LMNB1: variants seen among roughly 807,000 people sequenced by gnomAD.
LMNB1 encodes lamin B1.
LMNB1 carries 23 observed loss-of-function variants against 67.1 expected under a neutral mutation model. The observed-to-expected ratio is 0.34, with a 90% CI of 0.25 to 0.49. LMNB1 has a LOEUF of 0.49. Ranked by LOEUF, LMNB1 falls within the 20% of genes least tolerant of loss-of-function variation. The probability of loss-of-function intolerance (pLI) is 0.99; values close to 1 mark genes in which losing one functional copy is unlikely to be tolerated. For synonymous variants in LMNB1, 281 were observed against 282.9 expected (o/e 0.99, Z 0.07); for missense variants, 634 against 746.5 (o/e 0.85, Z 1.76).
intron 10 of LMNB1, among the ~76,000 whole-genome samples, chr5:126,834,868 T>C (rs544111503): frequency 1.3e-5 from 2 of 152,252 alleles, no homozygotes; most frequent in African/African-American, 4.8e-5. Context: ...AGAGTGAGAC[T>C]CTGCCTCATA....
intron 9 of LMNB1, among the ~76,000 whole-genome samples, chr5:126,830,773 G>T (rs12517303): frequency 1.3e-5 from 2 of 152,052 alleles, no homozygotes; most frequent in Admixed American, 1.3e-4. Flanking sequence ...TATTTGACTC[G>T]TTCCTCATTT....
At chr5:126,805,545 A>G (rs752289963) in intron 2 of LMNB1, 26 bp from the exon 3 acceptor site, 2 of 1,539,410 alleles carry the variant, frequency 1.3e-6, no homozygotes, top group South Asian at 2.3e-5. Context: ...TGTAATTTTT[A>G]TCACAATTCT....
At chr5:126,784,932 G>A (rs1750729666) in intron 1 of LMNB1, among the ~76,000 whole-genome samples, 1 of 151,954 alleles carries the variant, frequency 6.6e-6, no homozygotes, top group Non-Finnish European at 1.5e-5. Context: ...AAAGTGCTGG[G>A]ATTACAGGCG....
At chr5:126,802,822 A>G (rs1346507648) in intron 1 of LMNB1, among the ~76,000 whole-genome samples, 1 of 152,220 alleles carries the variant, frequency 6.6e-6, no homozygotes, top group East Asian at 1.9e-4. Context: ...CCTTTAAAAT[A>G]TAATTATTGG....
intron 1 of LMNB1, among the ~76,000 whole-genome samples, chr5:126,802,867 T>C (rs769377945): frequency 6.6e-6 from 1 of 152,120 alleles, no homozygotes; most frequent in Non-Finnish European, 1.5e-5. Flanking sequence ...AATTTTATAA[T>C]GTAGAACTCC....
At chr5:126,821,782 A>G (rs1374611436) in intron 7 of LMNB1, among the ~76,000 whole-genome samples, 2 of 152,176 alleles carry the variant, frequency 1.3e-5, no homozygotes, top group Non-Finnish European at 2.9e-5. Flanking sequence ...AGATGATACT[A>G]GAGGAAGGCA....
chr5:126,815,480 C>T (rs1751685057), intron 5 of LMNB1, among the ~76,000 whole-genome samples: 1 of 152,140 alleles, frequency 6.6e-6, no homozygotes, highest in African/African-American at 2.4e-5. Context: ...ACACCTCTAA[C>T]TTTTGTTTTT....
rs1322267726 is a variant in LMNB1, at chr5:126,804,843, A to C, written c.427A>C (p.Asn143His). Reference sequence around the variant, plus strand: ...GCTTCGAGAATATGAAGCAGCACTGAATTCGAAAGATGCAGCTCTTGCTAC... The same window carrying C: ...GCTTCGAGAATATGAAGCAGCACTGCATTCGAAAGATGCAGCTCTTGCTAC... ...IKLREYEAAL[N>H]SKDAALATAL... Residue 143 changes from asparagine to histidine, a missense_variant, in exon 2 of 11, where the codon AAT becomes CAT. Coordinates refer to ENST00000261366, the MANE Select transcript of LMNB1 (RefSeq NM_005573.4). The C allele has an allele frequency of 6.2e-7, 1 of 1,614,010 alleles. No individual in the cohort carries two copies. Among genetic ancestry groups the C allele is most frequent in the African/African-American group, 1.3e-5 (1 of 74,922 alleles).
intron 1 of LMNB1, among the ~76,000 whole-genome samples, chr5:126,790,809 A>G (rs551196032): frequency 6.6e-6 from 1 of 151,936 alleles, no homozygotes; most frequent in Non-Finnish European, 1.5e-5. Context: ...TGGGTGGATC[A>G]CCTGAGGTCA....
chr5:126,826,180 C>G, intron 9 of LMNB1, 73 bp downstream of exon 9: 3 of 1,502,576 alleles, frequency 2.0e-6, no homozygotes, highest in Non-Finnish European at 2.7e-6. Context: ...TAATCAAGAT[C>G]AGATTGAAAC....
At chr5:126,798,291 T>C (rs569725972) in intron 1 of LMNB1, among the ~76,000 whole-genome samples, 2 of 152,020 alleles carry the variant, frequency 1.3e-5, no homozygotes, top group South Asian at 4.2e-4. Flanking sequence ...CTACTAAAAA[T>C]ACAAAAAAAT....
intron 3 of LMNB1, among the ~76,000 whole-genome samples, chr5:126,807,575 T>C (rs1274552193): frequency 6.6e-6 from 1 of 152,228 alleles, no homozygotes; most frequent in Non-Finnish European, 1.5e-5. Context: ...AGTGCTGTCA[T>C]ATAATTGTTA....
intron 1 of LMNB1, among the ~76,000 whole-genome samples, chr5:126,801,635 A>C: frequency 6.6e-6 from 1 of 152,208 alleles, no homozygotes; most frequent in East Asian, 1.9e-4. Flanking sequence ...AAATCTGTGA[A>C]GTCAAATAAA....
chr5:126,788,023 A>G (rs532546849), intron 1 of LMNB1, among the ~76,000 whole-genome samples: 1 of 152,254 alleles, frequency 6.6e-6, no homozygotes, highest in Non-Finnish European at 1.5e-5. Flanking sequence ...GGGGAGTAAC[A>G]AGGCAGCCCT....
chr5:126,783,555 T>A (rs1750685944), intron 1 of LMNB1, among the ~76,000 whole-genome samples: 1 of 152,184 alleles, frequency 6.6e-6, no homozygotes, highest in Admixed American at 6.5e-5. Flanking sequence ...AATTAAACTG[T>A]CATGACATTT....
intron 5 of LMNB1, among the ~76,000 whole-genome samples, chr5:126,812,269 A>T (rs1233843361): frequency 6.6e-6 from 1 of 152,248 alleles, no homozygotes; most frequent in East Asian, 1.9e-4. Flanking sequence ...GAAAACCAAA[A>T]TGAAGAAAAA....
chr5:126,795,145 T>TTTTTTA (rs1554113293), intron 1 of LMNB1, among the ~76,000 whole-genome samples: 9 of 150,274 alleles, frequency 6.0e-5, no homozygotes, highest in South Asian at 2.1e-4. Flanking sequence ...TTTTTTTTTT[T>TTTTTTA]AAATAAGGAT....
intron 1 of LMNB1, among the ~76,000 whole-genome samples, chr5:126,795,130 CTTT>C (rs55837872): frequency 7.8e-6 from 1 of 128,938 alleles, no homozygotes. Context: ...ATTCCTTTTC[CTTT>C]TTTTTTTTTT....
At chr5:126,796,643 G>C (rs1751100566) in intron 1 of LMNB1, among the ~76,000 whole-genome samples, 1 of 152,146 alleles carries the variant, frequency 6.6e-6, no homozygotes, top group Admixed American at 6.6e-5. Context: ...ATGTGTCCCA[G>C]ATACATGGTA....
Sources: gnomAD v4.1 joint callset for allele counts (sites outside exome capture counted in the v4.1 genomes callset) on GRCh38, gnomAD v4.1.1 for gene constraint, MANE v1.5 for transcripts, NCBI Gene and HGNC (gene_info 2026-07-23, HGNC 2026-07-21) for gene names.